IMPG1: variants seen among roughly 807,000 people sequenced by gnomAD.
IMPG1 encodes interphotoreceptor matrix proteoglycan 1.
IMPG1 carries 85 observed loss-of-function variants against 92.0 expected under a neutral mutation model. The observed-to-expected ratio is 0.92, with a 90% CI of 0.78 to 1.11. The LOEUF (loss-of-function observed/expected upper bound fraction) is 1.11. IMPG1 is among the 50% of genes least tolerant of loss of function. IMPG1 has a pLI of 0.00. For synonymous variants in IMPG1, 367 were observed against 334.1 expected, an observed-to-expected ratio of 1.10 and a Z score of -1.08; for missense variants, 1,022 against 956.0, an observed-to-expected ratio of 1.07 and a Z score of -0.91.
chr6:75,943,393 G>A (rs558595624), intron 14 of IMPG1, among the ~76,000 whole-genome samples: 51 of 152,258 alleles, frequency 3.3e-4, no homozygotes, highest in Non-Finnish European at 6.8e-4. Flanking sequence ...TTCTTACTCT[G>A]TGAGCTCCCA....
intron 1 of IMPG1, among the ~76,000 whole-genome samples, chr6:76,052,166 C>G (rs1784053466): frequency 6.6e-6 from 1 of 152,076 alleles, no homozygotes; most frequent in Non-Finnish European, 1.5e-5. Flanking sequence ...ACCCTCTGAA[C>G]AGGTGGAATT....
In IMPG1 at chr6:75,950,760, G is replaced by A; in HGVS notation, c.1626C>T (p.Val542=). The part of the protein sequence containing the change: ...EVPELSEYVS[V]PDHFLEDTTP... ...TGGTATCCTCCAAGAAATGATCTGG[G>A]ACAGAAACATATTCGCTGAGCTCTG... Residue 542 remains valine (V), a synonymous_variant, in exon 13 of 17, where the codon GTC becomes GTT. Transcript: ENST00000369950. The A allele has an allele frequency of 6.2e-7, 1 of 1,613,930 alleles. No individual in the cohort carries two copies. Among genetic ancestry groups the A allele is most frequent in the African/African-American group, 1.3e-5 (1 of 75,030 alleles).
intron 11 of IMPG1, 23 bp downstream of exon 11, chr6:76,003,851 G>C: frequency 6.3e-7 from 1 of 1,581,668 alleles, no homozygotes; most frequent in Non-Finnish European, 8.7e-7. Context: ...CCTAGTTAAA[G>C]AACAAAAGGA....
intron 16 of IMPG1, 138 bp from the exon 17 acceptor site, chr6:75,922,304 G>C: frequency 1.8e-6 from 1 of 564,394 alleles, no homozygotes; most frequent in South Asian, 2.0e-5. Context: ...GTTGAAGATG[G>C]CCTCAAAATA....
At chr6:76,028,528 T>C (rs185113028) in intron 4 of IMPG1, among the ~76,000 whole-genome samples, 98 of 152,344 alleles carry the variant, frequency 6.4e-4, no homozygotes, top group African/African-American at 2.3e-3. Context: ...TTGAACTATT[T>C]ATAGCCTTTA....
chr6:75,982,586 G>GATATATATATATGTGTGT, intron 12 of IMPG1, among the ~76,000 whole-genome samples: 1 of 145,836 alleles, frequency 6.9e-6, no homozygotes, highest in African/African-American at 2.6e-5. Context: ...GATATATATA[G>GATATATATATATGTGTGT]ATATATATAT....
At chr6:75,944,614 A>G (rs1781893040) in intron 14 of IMPG1, among the ~76,000 whole-genome samples, 1 of 152,160 alleles carries the variant, frequency 6.6e-6, no homozygotes, top group African/African-American at 2.4e-5. Context: ...TGAGTTTTCA[A>G]TGTATATAAA....
intron 11 of IMPG1, among the ~76,000 whole-genome samples, chr6:76,003,635 C>G (rs1459721245): frequency 1.3e-5 from 2 of 152,046 alleles, no homozygotes; most frequent in Admixed American, 6.6e-5. Flanking sequence ...AAACAAAAAT[C>G]TAACTAAATT....
intron 15 of IMPG1, 33 bp downstream of exon 15, chr6:75,930,920 C>A (rs1165994858): frequency 1.3e-6 from 2 of 1,578,616 alleles, no homozygotes; most frequent in Non-Finnish European, 1.7e-6. Context: ...GTAATGAGTT[C>A]TTGAGTCTGT....
intron 4 of IMPG1, among the ~76,000 whole-genome samples, chr6:76,026,250 C>T (rs1783532662): frequency 6.6e-6 from 1 of 152,220 alleles, no homozygotes; most frequent in Non-Finnish European, 1.5e-5. Flanking sequence ...GGCTGTGGGA[C>T]AGACAAGGAC....
intron 1 of IMPG1, among the ~76,000 whole-genome samples, chr6:76,057,406 T>A (rs1288865041): frequency 6.6e-6 from 1 of 152,134 alleles, no homozygotes; most frequent in South Asian, 2.1e-4. Context: ...GAGGTTGGGA[T>A]GTGCAGTGGG....
intron 2 of IMPG1, among the ~76,000 whole-genome samples, chr6:76,039,940 T>C (rs919425518): frequency 1.3e-5 from 2 of 152,216 alleles, no homozygotes; most frequent in Non-Finnish European, 2.9e-5. Context: ...GATTTGGGAA[T>C]ATGAGTGCTT....
chr6:76,050,548 T>C (rs1022029211), intron 1 of IMPG1, among the ~76,000 whole-genome samples: 1 of 152,228 alleles, frequency 6.6e-6, no homozygotes, highest in African/African-American at 2.4e-5. Flanking sequence ...CTGATGGCCA[T>C]GTGACCACAA....
intron 1 of IMPG1, among the ~76,000 whole-genome samples, chr6:76,057,668 A>T (rs941480986): frequency 6.6e-6 from 1 of 152,150 alleles, no homozygotes. Context: ...GAAGGACTCC[A>T]TCTGGGTTAT....
At chr6:75,947,265 A>G in intron 14 of IMPG1, 49 bp downstream of exon 14, 1 of 1,467,982 alleles carries the variant, frequency 6.8e-7, no homozygotes, top group Non-Finnish European at 9.5e-7. Flanking sequence ...AACGAAATTA[A>G]AAAAATGAAC....
At position 75,931,043 on chromosome 6, in the gene IMPG1, C is replaced by G. The variant is rs954189126; in HGVS notation, c.2153G>C (p.Ser718Thr). ...TTCCAGACCGTCCAGGCTCCCCTGG[C>G]TGTCATATCCTGGTTTGCAGCGACA... The part of the protein sequence containing the change: ...AECRCKPGYD[S>T]QGSLDGLEPG... The change falls in exon 15 of 17, where the codon AGC becomes ACC. Residue 718 changes from serine to threonine, a missense_variant. This residue lies in a region of IMPG1 where 332 missense variants were observed against 346.2 expected (regional missense o/e 0.96). Coordinates refer to ENST00000369950, the MANE Select transcript of IMPG1 (RefSeq NM_001563.4). 12 of 1,614,096 alleles carry G rather than the reference C, an allele frequency of 7.4e-6. No individual in the cohort carries two copies. In the African/African-American group the frequency reaches 1.6e-4, roughly 22 times the overall value.
At position 75,959,658 on chromosome 6, in the gene IMPG1, C is replaced by T. The variant is rs373694964; in HGVS notation, c.1292-8564G>A. ...CCAGTTTGAACTTCTTGGTGGCTTC[C>T]GCTGTGAGGGGAAAACTGCCTACTC... On this transcript the variant is annotated intron_variant, in intron 12 of 16. Transcript: ENST00000369950. Among the ~76,000 whole-genome samples the T allele has an allele frequency of 8.1e-4, 123 of 152,210 alleles. No individual in the cohort carries two copies. In the Middle Eastern group the frequency reaches 0.02, roughly 25 times the overall value.
At chr6:76,029,851 C>T (rs192505594) in intron 4 of IMPG1, among the ~76,000 whole-genome samples, 41 of 152,258 alleles carry the variant, frequency 2.7e-4, no homozygotes. Context: ...ACATCCTTTT[C>T]TCTCCCTTGT....
At chr6:76,062,936 GC>G (rs1784230960) in intron 1 of IMPG1, among the ~76,000 whole-genome samples, 1 of 151,256 alleles carries the variant, frequency 6.6e-6, no homozygotes, top group Admixed American at 6.6e-5. Context: ...ACTTGGGGTG[GC>G]TCACGCCTGT....
Sources: allele counts gnomAD v4.1 joint callset (sites outside exome capture counted in the v4.1 genomes callset), GRCh38; gene constraint gnomAD v4.1.1; regional missense constraint gnomAD v4.1.1; transcripts MANE v1.5; gene names NCBI Gene and HGNC (gene_info 2026-07-23, HGNC 2026-07-21).